The following RAB39A variants were observed in gnomAD, a reference collection of about 807,000 sequenced individuals.
RAB39A encodes ras-related protein Rab-39A.
RAB39A carries 17 observed loss-of-function variants against 20.9 expected under a neutral mutation model. That is an observed-to-expected ratio of 0.81 (90% CI 0.56 to 1.22). The LOEUF (loss-of-function observed/expected upper bound fraction) is 1.22. RAB39A is among the 50% of genes most tolerant of loss of function. The probability of loss-of-function intolerance (pLI) is 0.00; values close to 1 mark genes in which losing one functional copy is unlikely to be tolerated. For synonymous variants in RAB39A, 99 were observed against 103.4 expected, an observed-to-expected ratio of 0.96 and a Z score of 0.26; for missense variants, 234 against 270.5, an observed-to-expected ratio of 0.87 and a Z score of 0.95.
Position 107,962,502 on chromosome 11 carries a change from A to G in RAB39A, c.*130A>G. On this transcript the variant is annotated 3_prime_UTR_variant, in exon 2 of 2. Coordinates refer to ENST00000320578, the MANE Select transcript of RAB39A (RefSeq NM_017516.3). ...CAAACCCACACCAATACTATTTTAT[A>G]AGGTATTTGATTCAGAGCATGATGC... The G allele has an allele frequency of 1.1e-6, 1 of 877,010 alleles. No homozygotes were observed. The highest frequency in any genetic ancestry group is 2.2e-5 in the South Asian group (1 of 44,862). 54.3% of individuals were successfully genotyped at this position (877,010 alleles called of 1,614,324 possible).
At chr11:107,932,302 G>T (rs1295830474) in intron 1 of RAB39A, among the ~76,000 whole-genome samples, 2 of 152,170 alleles carry the variant, frequency 1.3e-5, no homozygotes, top group Non-Finnish European at 2.9e-5. Flanking sequence ...GTATATTAAA[G>T]AAATTTAGAA....
intron 1 of RAB39A, among the ~76,000 whole-genome samples, chr11:107,941,106 AT>A: frequency 6.8e-6 from 1 of 146,808 alleles, no homozygotes; most frequent in Non-Finnish European, 1.5e-5. Flanking sequence ...ATTGCGTATC[AT>A]TTTTCTTTAC....
In RAB39A at chr11:107,963,129, A is replaced by G. The variant is rs765192494; in HGVS notation, c.*757A>G. 6.6e-6 allele frequency: 1 copy of G among 152,010 alleles called. No individual in the cohort carries two copies. The highest frequency in any genetic ancestry group is 1.5e-5 in the Non-Finnish European group (1 of 68,024). The allele number at this position is 152,010 out of a possible 1,614,324, so 9.4% of individuals were successfully genotyped here. ...ACCCAGGCTGGAGTGCAGTGGGGCA[A>G]TCTTGGCTCCCTGCAACCTCTGCTT... On this transcript the variant is annotated 3_prime_UTR_variant, in exon 2 of 2. Coordinates refer to ENST00000320578, the MANE Select transcript of RAB39A (RefSeq NM_017516.3).
intron 1 of RAB39A, among the ~76,000 whole-genome samples, chr11:107,939,304 A>G (rs1861235147): frequency 1.3e-5 from 2 of 148,688 alleles, no homozygotes; most frequent in African/African-American, 2.5e-5. Context: ...ACACAAAATT[A>G]TTAATAGTTG....
chr11:107,928,540 G>T lies in RAB39A; in HGVS notation c.-29G>T. The T allele has an allele frequency of 1.4e-6, 2 of 1,404,946 alleles. No individual in the cohort carries two copies. The highest frequency in any genetic ancestry group is 2.6e-5 in the East Asian group (1 of 38,600). The allele number at this position is 1,404,946 out of a possible 1,614,324, so 87.0% of individuals were successfully genotyped here. A position where few individuals can be genotyped will look rare whatever the true frequency, so the allele number is the denominator to read the frequency against. On this transcript the variant is annotated 5_prime_UTR_variant, in exon 1 of 2. Transcript: ENST00000320578. This position sits in a 1 kb window ranked among gnomAD's most constrained non-coding sequence, Gnocchi z 4.9. ...GCCGAACTTAGCCCGCGGGTGGGGCGGCCCGGGAGCCAGCGGGGCACGTGA... is the reference window on the plus strand; with the variant it reads ...GCCGAACTTAGCCCGCGGGTGGGGCTGCCCGGGAGCCAGCGGGGCACGTGA...
At chr11:107,954,993 T>TG (rs1861418348) in intron 1 of RAB39A, among the ~76,000 whole-genome samples, 1 of 128,748 alleles carries the variant, frequency 7.8e-6, no homozygotes, top group African/African-American at 2.9e-5. Flanking sequence ...CATGCTTTTT[T>TG]TTTTTTTTTT....
intron 1 of RAB39A, among the ~76,000 whole-genome samples, chr11:107,960,789 C>T (rs1044405743): frequency 6.6e-6 from 1 of 152,148 alleles, no homozygotes; most frequent in East Asian, 1.9e-4. Context: ...TACAGAAACC[C>T]TGACTAGAAG....
At chr11:107,955,097 C>T (rs565523759) in intron 1 of RAB39A, among the ~76,000 whole-genome samples, 6 of 150,180 alleles carry the variant, frequency 4.0e-5, no homozygotes, top group South Asian at 2.1e-4. Context: ...CCCGGGTTCA[C>T]GCCATTCTCC....
At chr11:107,951,024 C>T (rs1861373180) in intron 1 of RAB39A, among the ~76,000 whole-genome samples, 1 of 152,130 alleles carries the variant, frequency 6.6e-6, no homozygotes, top group African/African-American at 2.4e-5. Context: ...GGAAATATGA[C>T]CCATTACATC....
Position 107,962,236 on chromosome 11 carries a change from G to A in RAB39A, c.518G>A (p.Arg173Lys), listed in dbSNP as rs1358244832. The A allele has an allele frequency of 3.1e-6, 5 of 1,613,884 alleles. No homozygotes were observed. The highest frequency in any genetic ancestry group is 4.2e-6 in the Non-Finnish European group (5 of 1,179,990). ...NVEESFTILT[R>K]DIYELIKKGE... ...GAAGAATCCTTCACAATCTTGACGAGAGACATATATGAACTTATTAAAAAG... is the reference window on the plus strand; with the variant it reads ...GAAGAATCCTTCACAATCTTGACGAAAGACATATATGAACTTATTAAAAAG... The change falls in exon 2 of 2, where the codon AGA (arginine) becomes AAA (lysine). Residue 173 changes from arginine to lysine, a missense_variant. By Grantham distance (26) the Arg-to-Lys change is conservative. Transcript: ENST00000320578.
At position 107,943,082 on chromosome 11, in the gene RAB39A, T is replaced by G. The variant is rs12280576; in HGVS notation, c.227+14287T>G. On this transcript the variant is annotated intron_variant, in intron 1 of 1. Transcript: ENST00000320578. ...TCAGTGACTACACTGCTACACTTAG[T>G]AACAGTAATGAACTTTAACACTGAA... 1.6e-3 allele frequency among the ~76,000 whole-genome samples: 238 copies of G among 152,258 alleles called. 1 individual carries two copies. The highest frequency in any genetic ancestry group is 5.5e-3 in the African/African-American group (229 of 41,568).
chr11:107,930,018 C>T (rs868416999), intron 1 of RAB39A, among the ~76,000 whole-genome samples: 4 of 152,184 alleles, frequency 2.6e-5, no homozygotes, highest in African/African-American at 9.7e-5. Context: ...TGAGATCAGC[C>T]TACATCTGTG....
At chr11:107,945,288 GC>G (rs1237532051) in intron 1 of RAB39A, among the ~76,000 whole-genome samples, 1 of 124,068 alleles carries the variant, frequency 8.1e-6, no homozygotes, top group Non-Finnish European at 1.6e-5. Flanking sequence ...TTCAAGGCCA[GC>G]CTGGCAACAC....
At chr11:107,944,656 A>C (rs1861292051) in intron 1 of RAB39A, among the ~76,000 whole-genome samples, 2 of 151,998 alleles carry the variant, frequency 1.3e-5, no homozygotes, top group Admixed American at 1.3e-4. Flanking sequence ...ACGTGCTGGG[A>C]TTATAGCCGT....
At chr11:107,930,922 G>A (rs1356578412) in intron 1 of RAB39A, among the ~76,000 whole-genome samples, 1 of 151,418 alleles carries the variant, frequency 6.6e-6, no homozygotes, top group Admixed American at 6.6e-5. Context: ...TAATTAATTT[G>A]TTAGACTTTA....
chr11:107,931,040 G>C (rs1168086212), intron 1 of RAB39A, among the ~76,000 whole-genome samples: 1 of 149,242 alleles, frequency 6.7e-6, no homozygotes, highest in African/African-American at 2.5e-5. Flanking sequence ...GCAATGGCGC[G>C]ATCTCTGCTC....
intron 1 of RAB39A, among the ~76,000 whole-genome samples, chr11:107,944,107 A>T (rs10890783): frequency 0.29 from 44,187 of 151,656 alleles, 7,546 homozygotes; most frequent in South Asian, 0.52. Context: ...AAAAAAAAAA[A>T]AATAATAATA....
At chr11:107,959,232 T>A (rs562714807) in intron 1 of RAB39A, among the ~76,000 whole-genome samples, 2 of 152,364 alleles carry the variant, frequency 1.3e-5, no homozygotes, top group African/African-American at 2.4e-5. Flanking sequence ...AAGGCATTTT[T>A]AAAATATTCT....
chr11:107,944,032 T>C (rs1369301611), intron 1 of RAB39A, among the ~76,000 whole-genome samples: 1 of 151,740 alleles, frequency 6.6e-6, no homozygotes, highest in African/African-American at 2.4e-5. Flanking sequence ...GAGGCAGAGG[T>C]TGCAGTCAGC....
Sources: gnomAD v4.1 joint callset for allele counts (sites outside exome capture counted in the v4.1 genomes callset) on GRCh38, gnomAD v4.1.1 for gene constraint, Gnocchi (gnomAD v3.1) non-coding constraint, MANE v1.5 for transcripts, NCBI Gene and HGNC (gene_info 2026-07-23, HGNC 2026-07-21) for gene names.